Variants in UBQLN4 observed in about 807,000 individuals in gnomAD.
UBQLN4 encodes ubiquilin 4.
A neutral mutation model predicts 60.4 loss-of-function variants in UBQLN4; 11 were observed. The ratio of observed to expected loss-of-function variants is 0.18; its 90% CI spans 0.11 to 0.30. The LOEUF is 0.30. Among genes scored for constraint, UBQLN4 ranks in the 10% least tolerant of loss-of-function variants. The pLI is 1.00. For missense variants in UBQLN4, 417 were observed against 795.5 expected (o/e 0.52, Z 5.72); for synonymous variants, 258 against 313.1 (o/e 0.82, Z 1.86).
intron 2 of UBQLN4, among the ~76,000 whole-genome samples, 182 bp from the exon 3 acceptor site, chr1:156,051,509 C>T (rs1177661326): frequency 3.3e-5 from 5 of 152,084 alleles, no homozygotes; most frequent in African/African-American, 9.7e-5. Flanking sequence ...GAGAAAGGAG[C>T]TAGTATTATC....
chr1:156,049,744 A>G (rs934743264), intron 4 of UBQLN4, among the ~76,000 whole-genome samples: 1 of 152,246 alleles, frequency 6.6e-6, no homozygotes, highest in African/African-American at 2.4e-5. Context: ...TGCTGGGAAG[A>G]TCATCTACCT....
rs189626034 is a variant in UBQLN4 at position 156,043,395 on chromosome 1, T to C, written c.1127-482A>G. Among the ~76,000 whole-genome samples the C allele has an allele frequency of 3.2e-3, 493 of 152,306 alleles. 1 individual carries two copies. The highest frequency in any genetic ancestry group is 0.014 in the Middle Eastern group (4 of 294). On this transcript the variant is annotated intron_variant, in intron 6 of 10. Coordinates refer to ENST00000368309, the MANE Select transcript of UBQLN4 (RefSeq NM_020131.5). ...CCTGGAGATGAAGACCTTTCCAGGATGCAGGAGCACAATTTTAAAATCATG... is the reference window on the plus strand; with the variant it reads ...CCTGGAGATGAAGACCTTTCCAGGACGCAGGAGCACAATTTTAAAATCATG...
chr1:156,037,227 C>T (rs957084034), intron 10 of UBQLN4, 97 bp from the exon 11 acceptor site: 1 of 1,460,186 alleles, frequency 6.8e-7, no homozygotes. Flanking sequence ...TCTCTAATAT[C>T]CTCAGAGTCA....
At chr1:156,034,825 C>CTATA (rs34720108), downstream of UBQLN4, among the ~76,000 whole-genome samples, 1,553 of 46,040 alleles carry the variant, frequency 0.034, 72 homozygotes, top group Non-Finnish European at 0.04. Context: ...CCTTAACCTT[C>CTATA]TATATATATA....
Position 156,050,657 on chromosome 1 carries a change from C to G in UBQLN4, c.479-104G>C. On this transcript the variant is annotated intron_variant, in intron 3 of 10. Coordinates refer to ENST00000368309, the MANE Select transcript of UBQLN4 (RefSeq NM_020131.5). This position sits in a 1 kb window ranked among gnomAD's most constrained non-coding sequence, Gnocchi z 4.6. ...CAGGACACGCCCCAAATGCTTCTCA[C>G]ATGTCCCTCTTCCTGTCATTCCCAC... is the stretch of plus-strand genomic sequence containing the variant. 7.0e-7 allele frequency: 1 copy of G among 1,437,892 alleles called. No individual in the cohort carries two copies. Among genetic ancestry groups the G allele is most frequent in the Non-Finnish European group, 9.2e-7 (1 of 1,085,438 alleles). The allele number at this position is 1,437,892 out of a possible 1,614,324, so 89.1% of individuals were successfully genotyped here. A position where few individuals can be genotyped will look rare whatever the true frequency, so the allele number is the denominator to read the frequency against.
At chr1:156,045,652 G>C (rs1208439077) in intron 5 of UBQLN4, among the ~76,000 whole-genome samples, 1 of 152,158 alleles carries the variant, frequency 6.6e-6, no homozygotes, top group African/African-American at 2.4e-5. Flanking sequence ...TGAGGATACA[G>C]TGGAGTTTTC....
chr1:156,037,066 T>A lies in UBQLN4; in HGVS notation c.1718A>T (p.Asn573Ile). The A allele has an allele frequency of 6.2e-7, 1 of 1,614,196 alleles. No individual in the cohort carries two copies. Among genetic ancestry groups the A allele is most frequent in the Non-Finnish European group, 8.5e-7 (1 of 1,180,042 alleles). ...CAGGGCCTGCAGGTTAGCCTCACGA[T>A]TGATGAAGCCCATGGAGTTGAGCTG... ...LEQLNSMGFI[N>I]REANLQALIA... The change falls in exon 11 of 11, where the codon AAT (asparagine) becomes ATT (isoleucine). Residue 573 changes from asparagine to isoleucine, a missense_variant. By Grantham distance (149) the Asn-to-Ile change is moderately radical. Transcript: ENST00000368309.
In UBQLN4 at chr1:156,053,173, G is replaced by T. The variant is rs145694436; in HGVS notation, c.108+421C>A. ...TCTGGGCACAGGGAAATCCTCCCCC[G>T]ACAGCCCCGTCGCTCAGAGAACACT... On this transcript the variant is annotated intron_variant, in intron 1 of 10. Transcript: ENST00000368309. Among the ~76,000 whole-genome samples, 7 of 152,190 alleles carry T rather than the reference G, an allele frequency of 4.6e-5. No individual in the cohort carries two copies. The East Asian group carries it at 1.4e-3, about 29-fold the overall frequency.
chr1:156,050,483 C>T lies in UBQLN4; in HGVS notation c.549G>A (p.Gln183=). 6.2e-7 allele frequency: 1 copy of T among 1,613,908 alleles called. No homozygotes were observed. Among genetic ancestry groups the T allele is most frequent in the Admixed American group, 1.7e-5 (1 of 60,026 alleles). Reference sequence around the variant, plus strand: ...TGGACATCAGCTGCCGCTGCATCTGCTGCTGCAGCTCCATGAAGTTGGCAG... The same window carrying T: ...TGGACATCAGCTGCCGCTGCATCTGTTGCTGCAGCTCCATGAAGTTGGCAG... ...LGSANFMELQ[Q]QMQRQLMSNP... The change falls in exon 4 of 11, where the codon CAG becomes CAA. Residue 183 remains glutamine, a synonymous_variant. Coordinates refer to ENST00000368309, the MANE Select transcript of UBQLN4 (RefSeq NM_020131.5). The surrounding 1 kb of genome is among the most constrained non-coding windows in gnomAD (Gnocchi z 4.6).
Position 156,041,468 on chromosome 1 carries a change from C to G in UBQLN4, c.1653+17G>C. On this transcript the variant is annotated intron_variant, in intron 10 of 10. Transcript: ENST00000368309. ...CAAAGTGGTGCTCCCAGCACCTGCC[C>G]CCACTGCCTCATGTACCTGTGAGTT... The G allele has an allele frequency of 6.5e-7, 1 of 1,544,072 alleles. No individual in the cohort carries two copies. Among genetic ancestry groups the G allele is most frequent in the Non-Finnish European group, 8.7e-7 (1 of 1,144,372 alleles).
chr1:156,047,093 G>A (rs10158536), intron 5 of UBQLN4, among the ~76,000 whole-genome samples: 142,088 of 152,148 alleles, frequency 0.93, 66,875 homozygotes, highest in East Asian at 1. Context: ...AAATAAACAA[G>A]ATACTAACAA....
At chr1:156,040,560 G>A (rs1440780949) in intron 10 of UBQLN4, among the ~76,000 whole-genome samples, 10 of 148,978 alleles carry the variant, frequency 6.7e-5, no homozygotes, top group African/African-American at 1.5e-4. Flanking sequence ...ATTCTCCTGC[G>A]TCAGCCTCCT....
rs139072260 is a variant in UBQLN4 at position 156,045,876 on chromosome 1, C to T, written c.901-1653G>A. 9.4e-3 allele frequency among the ~76,000 whole-genome samples: 1,422 copies of T among 151,480 alleles called. 26 individuals carry two copies. The highest frequency in any genetic ancestry group is 0.033 in the African/African-American group (1,359 of 41,276). Reference sequence around the variant, plus strand: ...ATTTTTTTTTTTTGAGATGGAGTCTCGTTTTGCTGCCCAGGTTGGAGTGCA... The same window carrying T: ...ATTTTTTTTTTTTGAGATGGAGTCTTGTTTTGCTGCCCAGGTTGGAGTGCA... On this transcript the variant is annotated intron_variant, in intron 5 of 10. Coordinates refer to ENST00000368309, the MANE Select transcript of UBQLN4 (RefSeq NM_020131.5).
In UBQLN4 at chr1:156,048,227, G is replaced by A. The variant is rs531617062; in HGVS notation, c.900+274C>T. On this transcript the variant is annotated intron_variant, in intron 5 of 10. Coordinates refer to ENST00000368309, the MANE Select transcript of UBQLN4 (RefSeq NM_020131.5). This position sits in a 1 kb window ranked among gnomAD's most constrained non-coding sequence, Gnocchi z 4.9. ...TGGCGTCTGACCTCAGGCCTGCCAC[G>A]TGACCTTTGAGCCCCTGGTACAAGA... Among the ~76,000 whole-genome samples the A allele has an allele frequency of 2.6e-5, 4 of 152,256 alleles. No homozygotes were observed. Among genetic ancestry groups the A allele is most frequent in the Middle Eastern group, 3.4e-3 (1 of 294 alleles).
At chr1:156,051,380 G>A in intron 2 of UBQLN4, 53 bp from the exon 3 acceptor site, 2 of 1,534,614 alleles carry the variant, frequency 1.3e-6, no homozygotes, top group Non-Finnish European at 8.8e-7. Context: ...AAGAGGGAAG[G>A]TACCGTGACA....
downstream of UBQLN4, chr1:156,033,108 C>G: frequency 1.5e-6 from 1 of 647,270 alleles, no homozygotes; most frequent in East Asian, 1.4e-4. Flanking sequence ...AGTTGTCTGT[C>G]CATGTTTTTG....
intron 5 of UBQLN4, among the ~76,000 whole-genome samples, chr1:156,045,736 C>T (rs746873929): frequency 2.6e-5 from 4 of 152,214 alleles, no homozygotes; most frequent in Admixed American, 6.5e-5. Context: ...GTAAGCTAGA[C>T]ATCAAAGAGA....
downstream of UBQLN4, chr1:156,033,402 T>C (rs944820347): frequency 6.6e-6 from 4 of 606,758 alleles, no homozygotes; most frequent in African/African-American, 8.0e-5. Flanking sequence ...TGTTTTGTTT[T>C]TTTGCTAGAT....
downstream of UBQLN4, among the ~76,000 whole-genome samples, chr1:156,032,905 G>T (rs1480879272): frequency 6.6e-6 from 1 of 152,194 alleles, no homozygotes; most frequent in Non-Finnish European, 1.5e-5. Context: ...GAAAAATGAG[G>T]TGAAAGAGGA....
Sources: allele counts gnomAD v4.1 joint callset (sites outside exome capture counted in the v4.1 genomes callset), GRCh38; gene constraint gnomAD v4.1.1; non-coding constraint Gnocchi (gnomAD v3.1); transcripts MANE v1.5; gene names NCBI Gene and HGNC (gene_info 2026-07-23, HGNC 2026-07-21).